CDH9: variants seen among roughly 807,000 people sequenced by gnomAD.
CDH9 encodes cadherin-9.
A neutral mutation model predicts 70.9 loss-of-function variants in CDH9; 28 were observed. The observed-to-expected ratio is 0.40, with a 90% CI of 0.29 to 0.54. The LOEUF (loss-of-function observed/expected upper bound fraction) is 0.54. CDH9 is among the 20% of genes least tolerant of loss of function. The pLI is 0.59. For synonymous variants in CDH9, 409 were observed against 343.1 expected (o/e 1.19, Z -2.12); for missense variants, 874 against 984.4 (o/e 0.89, Z 1.50).
chr5:26,950,240 T>G (rs537342846), intron 2 of CDH9, among the ~76,000 whole-genome samples: 4 of 152,354 alleles, frequency 2.6e-5, no homozygotes, highest in African/African-American at 9.6e-5. Context: ...AATATTGTTA[T>G]GTCCACAAAC....
chr5:26,906,975 C>T, intron 3 of CDH9, 137 bp from the exon 4 acceptor site: 1 of 1,267,906 alleles, frequency 7.9e-7, no homozygotes, highest in South Asian at 2.8e-5. Flanking sequence ...TTAAATACTT[C>T]CTCAAAAAAG....
intron 11 of CDH9, among the ~76,000 whole-genome samples, chr5:26,883,238 A>G (rs1740502905): frequency 6.6e-6 from 1 of 151,116 alleles, no homozygotes; most frequent in South Asian, 2.1e-4. Context: ...AATATTAAAT[A>G]AATTTATAAG....
At chr5:26,900,069 T>C (rs1174548436) in intron 7 of CDH9, among the ~76,000 whole-genome samples, 1 of 152,030 alleles carries the variant, frequency 6.6e-6, no homozygotes, top group Non-Finnish European at 1.5e-5. Flanking sequence ...TTTATGTTAA[T>C]ACATTTGACA....
intron 2 of CDH9, among the ~76,000 whole-genome samples, chr5:26,937,790 A>G (rs1398167319): frequency 6.6e-6 from 1 of 152,090 alleles, no homozygotes; most frequent in Non-Finnish European, 1.5e-5. Context: ...AGCAAGTACA[A>G]TGTTCAGTGA....
chr5:27,007,831 C>G (rs1742892795), intron 1 of CDH9, among the ~76,000 whole-genome samples: 1 of 151,976 alleles, frequency 6.6e-6, no homozygotes, highest in Non-Finnish European at 1.5e-5. Flanking sequence ...ATGGATATTT[C>G]TCATACTGCT....
chr5:26,940,723 A>G (rs1160312419), intron 2 of CDH9, among the ~76,000 whole-genome samples: 1 of 152,168 alleles, frequency 6.6e-6, no homozygotes, highest in African/African-American at 2.4e-5. Context: ...ATCATGAGAG[A>G]TCTGAAATAA....
intron 5 of CDH9, among the ~76,000 whole-genome samples, chr5:26,905,174 A>G (rs1434385320): frequency 6.6e-6 from 1 of 152,126 alleles, no homozygotes; most frequent in Non-Finnish European, 1.5e-5. Context: ...ATATTTTGAA[A>G]TAGGGGTCCT....
At chr5:26,943,291 C>T (rs1741693478) in intron 2 of CDH9, among the ~76,000 whole-genome samples, 1 of 152,018 alleles carries the variant, frequency 6.6e-6, no homozygotes, top group Non-Finnish European at 1.5e-5. Context: ...GCGGGCAGAT[C>T]ACCTGAGGTC....
intron 5 of CDH9, 120 bp downstream of exon 5, chr5:26,905,839 T>C (rs1561190128): frequency 1.7e-5 from 12 of 714,890 alleles, no homozygotes; most frequent in Non-Finnish European, 2.9e-5. Context: ...GAATGGATTA[T>C]GGTTTTTTCT....
intron 1 of CDH9, among the ~76,000 whole-genome samples, chr5:26,991,742 A>C (rs1235421220): frequency 6.6e-6 from 1 of 152,206 alleles, no homozygotes; most frequent in East Asian, 1.9e-4. Flanking sequence ...AATAAAAATA[A>C]GGTGTAACTT....
chr5:26,981,715 C>T (rs904528102), intron 2 of CDH9, among the ~76,000 whole-genome samples: 2 of 151,856 alleles, frequency 1.3e-5, no homozygotes, highest in African/African-American at 4.8e-5. Context: ...AACATTTTAA[C>T]AGTATGCCAA....
At chr5:26,991,145 G>A (rs1742573379) in intron 1 of CDH9, among the ~76,000 whole-genome samples, 1 of 152,150 alleles carries the variant, frequency 6.6e-6, no homozygotes, top group Non-Finnish European at 1.5e-5. Flanking sequence ...ATCAGTTAGG[G>A]TCTTTTACTT....
chr5:26,993,108 A>G (rs1180703766), intron 1 of CDH9, among the ~76,000 whole-genome samples: 1 of 151,884 alleles, frequency 6.6e-6, no homozygotes, highest in Non-Finnish European at 1.5e-5. Context: ...TCTCCAAAAA[A>G]AAAAAAAAAA....
chr5:26,897,298 G>A (rs1740769699), intron 7 of CDH9, among the ~76,000 whole-genome samples: 1 of 151,960 alleles, frequency 6.6e-6, no homozygotes, highest in Admixed American at 6.6e-5. Flanking sequence ...GAAAAAGAGG[G>A]ACTCTCCCCA....
At chr5:26,889,708 A>T (rs1436129043) in intron 9 of CDH9, 128 bp downstream of exon 9, 2 of 576,720 alleles carry the variant, frequency 3.5e-6, no homozygotes, top group Non-Finnish European at 3.0e-6. Context: ...TTTGTTAAGG[A>T]TAAATGGTGG....
chr5:26,939,961 C>A lies in CDH9; in HGVS notation c.229-24037G>T, dbSNP rs116222284. ...GCCCAGGAGTTTGAGACCAGCCTGG[C>A]CAAATGGAGAAACCCTATCTCTACT... On this transcript the variant is annotated intron_variant, in intron 2 of 11. Transcript: ENST00000231021. 2.0e-5 allele frequency among the ~76,000 whole-genome samples: 3 copies of A among 151,810 alleles called. No homozygotes were observed. The South Asian group carries it at 6.2e-4, about 32-fold the overall frequency.
intron 1 of CDH9, among the ~76,000 whole-genome samples, chr5:27,001,001 C>G (rs1742757945): frequency 6.6e-6 from 1 of 152,006 alleles, no homozygotes; most frequent in East Asian, 1.9e-4. Flanking sequence ...ACATTTTGGG[C>G]AGTGACACCA....
intron 1 of CDH9, among the ~76,000 whole-genome samples, chr5:26,993,097 G>A (rs1248398156): frequency 1.7e-4 from 19 of 108,730 alleles, no homozygotes; most frequent in Non-Finnish European, 3.0e-4. Context: ...GTGAAACTCC[G>A]TCTCCAAAAA....
chr5:27,025,511 G>A (rs1388191628), intron 1 of CDH9, among the ~76,000 whole-genome samples: 2 of 152,008 alleles, frequency 1.3e-5, no homozygotes, highest in Non-Finnish European at 2.9e-5. Flanking sequence ...AATAAAGAGG[G>A]AAGAGAAGCC....
Sources: allele counts gnomAD v4.1 joint callset (sites outside exome capture counted in the v4.1 genomes callset), GRCh38; gene constraint gnomAD v4.1.1; transcripts MANE v1.5; gene names NCBI Gene and HGNC (gene_info 2026-07-23, HGNC 2026-07-21).